The following NCOR1 variants were observed in gnomAD, a reference collection of about 807,000 sequenced individuals.
The protein encoded by NCOR1 is protein phosphatase 1, regulatory subunit 109.
Under a neutral mutation model 288.1 loss-of-function variants are expected in NCOR1, and 63 were observed. That is an observed-to-expected ratio of 0.22 (90% CI 0.18 to 0.27). The LOEUF (loss-of-function observed/expected upper bound fraction) is 0.27. Among genes scored for constraint, NCOR1 ranks in the 10% least tolerant of loss-of-function variants. NCOR1 has a pLI of 1.00. For missense variants in NCOR1, 2,397 were observed against 3,019.2 expected (o/e 0.79, Z 4.83); for synonymous variants, 1,007 against 1,065.9 (o/e 0.94, Z 1.08).
chr17:16,085,943 C>T (rs1218850053), intron 23 of NCOR1, among the ~76,000 whole-genome samples: 1 of 152,128 alleles, frequency 6.6e-6, no homozygotes, highest in Non-Finnish European at 1.5e-5. Context: ...GAGCCTTTAC[C>T]ATATGTTAGT....
At chr17:16,069,998 G>A (rs1423390273) in intron 31 of NCOR1, among the ~76,000 whole-genome samples, 167 bp downstream of exon 31, 3 of 151,866 alleles carry the variant, frequency 2.0e-5, no homozygotes, top group Non-Finnish European at 4.4e-5. Context: ...CTTAAATTAT[G>A]CCTACTTTTA....
intron 31 of NCOR1, among the ~76,000 whole-genome samples, chr17:16,069,457 T>C (rs987845896): frequency 3.9e-5 from 6 of 152,126 alleles, no homozygotes; most frequent in Admixed American, 1.3e-4. Context: ...ATTTGTATTA[T>C]AATAAAAAAT....
At chr17:16,034,293 G>A (rs1166607872) in intron 45 of NCOR1, among the ~76,000 whole-genome samples, 1 of 152,132 alleles carries the variant, frequency 6.6e-6, no homozygotes, top group Non-Finnish European at 1.5e-5. Context: ...GGTTATATGT[G>A]CATTCAGTTT....
intron 14 of NCOR1, among the ~76,000 whole-genome samples, chr17:16,135,298 T>C (rs968745144): frequency 1.3e-5 from 2 of 151,626 alleles, no homozygotes; most frequent in Non-Finnish European, 2.9e-5. Context: ...GCCCTGGCAA[T>C]ATTCTTCTCT....
chr17:16,044,458 G>A (rs1439561856), intron 42 of NCOR1: 1 of 472,474 alleles, frequency 2.1e-6, no homozygotes, highest in Non-Finnish European at 4.4e-6. Flanking sequence ...CAGGAGACTA[G>A]TAGATGGTAG....
intron 35 of NCOR1, among the ~76,000 whole-genome samples, chr17:16,063,169 ATTTTT>A (rs975572584): frequency 2.0e-5 from 3 of 152,000 alleles, no homozygotes; most frequent in Admixed American, 6.6e-5. Context: ...ATGAATATTT[ATTTTT>A]TTAATTAAAT....
chr17:16,034,135 A>C (rs1436398763), intron 45 of NCOR1, among the ~76,000 whole-genome samples: 2 of 152,250 alleles, frequency 1.3e-5, no homozygotes, highest in African/African-American at 2.4e-5. Flanking sequence ...TACAGTTCTC[A>C]AAAGAACTAA....
chr17:16,049,734 C>T (rs982914633), intron 40 of NCOR1, among the ~76,000 whole-genome samples: 1 of 151,944 alleles, frequency 6.6e-6, no homozygotes, highest in Non-Finnish European at 1.5e-5. Flanking sequence ...TATAGGCATG[C>T]GCCACCATAC....
At chr17:16,108,263 A>T (rs1301769845) in intron 19 of NCOR1, 1 of 344,830 alleles carries the variant, frequency 2.9e-6, no homozygotes, top group Non-Finnish European at 5.9e-6. Context: ...TACCAAAAAA[A>T]TCAAGAAAAC....
intron 42 of NCOR1, chr17:16,044,885 T>G (rs2058398991): frequency 1.3e-6 from 1 of 749,764 alleles, no homozygotes; most frequent in East Asian, 2.5e-5. Context: ...CTGCTCCAGC[T>G]GAGAAGAAAG....
chr17:16,116,047 G>A (rs2071500054), intron 18 of NCOR1, among the ~76,000 whole-genome samples: 1 of 152,190 alleles, frequency 6.6e-6, no homozygotes, highest in African/African-American at 2.4e-5. Context: ...GCAAGGAGGA[G>A]CAAGTAACAT....
intron 20 of NCOR1, among the ~76,000 whole-genome samples, chr17:16,099,347 T>C (rs1421278943): frequency 6.6e-6 from 1 of 152,162 alleles, no homozygotes; most frequent in Non-Finnish European, 1.5e-5. Flanking sequence ...TGGGGGAAGG[T>C]GAACATTTAA....
chr17:16,144,969 G>C (rs2153327649), intron 10 of NCOR1, among the ~76,000 whole-genome samples: 1 of 152,314 alleles, frequency 6.6e-6, no homozygotes, highest in African/African-American at 2.4e-5. Context: ...TGCGGAAGCT[G>C]GACTGTACTG....
At chr17:16,153,256 G>C (rs2079150833) in intron 7 of NCOR1, 83 bp downstream of exon 7, 1 of 950,366 alleles carries the variant, frequency 1.1e-6, no homozygotes, top group Non-Finnish European at 1.6e-6. Flanking sequence ...CAAAATAAAT[G>C]GATCATATTC....
intron 44 of NCOR1, among the ~76,000 whole-genome samples, chr17:16,037,358 G>GA (rs1428562494): frequency 6.6e-6 from 1 of 151,940 alleles, no homozygotes; most frequent in Non-Finnish European, 1.5e-5. Flanking sequence ...CATGCTATTA[G>GA]AAAAATAATG....
At chr17:16,064,026 A>C in intron 35 of NCOR1, 42 bp downstream of exon 35, 1 of 1,608,128 alleles carries the variant, frequency 6.2e-7, no homozygotes, top group East Asian at 2.2e-5. Flanking sequence ...CAAGATTACT[A>C]AGATGTGTCC....
At chr17:16,152,098 T>G in intron 7 of NCOR1, 100 bp from the exon 8 acceptor site, 1 of 636,642 alleles carries the variant, frequency 1.6e-6, no homozygotes. Context: ...AAAGTACTAA[T>G]GGATCTACAC....
chr17:16,096,994 A>G (rs1238692947), intron 21 of NCOR1, among the ~76,000 whole-genome samples: 1 of 152,254 alleles, frequency 6.6e-6, no homozygotes, highest in Non-Finnish European at 1.5e-5. Flanking sequence ...CCTGGAGGAC[A>G]TTATGCTGAG....
intron 1 of NCOR1, among the ~76,000 whole-genome samples, chr17:16,210,954 A>G (rs1331846157): frequency 2.0e-5 from 3 of 151,968 alleles, no homozygotes; most frequent in Non-Finnish European, 4.4e-5. Flanking sequence ...GATGGTCTCG[A>G]TCTCCTGACC....
Sources: gnomAD v4.1 joint callset for allele counts (sites outside exome capture counted in the v4.1 genomes callset) on GRCh38, gnomAD v4.1.1 for gene constraint, MANE v1.5 for transcripts, NCBI Gene and HGNC (gene_info 2026-07-23, HGNC 2026-07-21) for gene names.